NAV2: variants seen among roughly 807,000 people sequenced by gnomAD.
NAV2 encodes the protein helicase, APC down-regulated 1.
In NAV2, 54 loss-of-function variants were observed where a neutral mutation model predicts 223.2. The observed-to-expected ratio is 0.24, with a 90% confidence interval of 0.19 to 0.30. NAV2 has a LOEUF of 0.30. Ranked by LOEUF, NAV2 falls within the 10% of genes least tolerant of loss-of-function variation. The pLI, the probability that NAV2 is intolerant of heterozygous loss-of-function variation, is 1.00. For synonymous variants in NAV2, 1,279 were observed against 1,239.3 expected (o/e 1.03, Z -0.67); for missense variants, 2,806 against 3,147.5 (o/e 0.89, Z 2.60).
At chr11:19,462,562 G>A (rs1852204172) in intron 1 of NAV2, among the ~76,000 whole-genome samples, 1 of 152,190 alleles carries the variant, frequency 6.6e-6, no homozygotes, top group African/African-American at 2.4e-5. Flanking sequence ...TATGTTTCAT[G>A]TATGCTTTTG....
At chr11:19,548,878 A>C in intron 1 of NAV2, among the ~76,000 whole-genome samples, 1 of 16,454 alleles carries the variant, frequency 6.1e-5, no homozygotes, top group Admixed American at 4.6e-3. Flanking sequence ...CTCCGTCTCA[A>C]AAAAAAAAAA....
At chr11:19,622,759 T>C (rs1218589570) in intron 1 of NAV2, among the ~76,000 whole-genome samples, 5 of 152,212 alleles carry the variant, frequency 3.3e-5, no homozygotes, top group Non-Finnish European at 1.5e-5. Flanking sequence ...ATTTAGCCCA[T>C]TTACATTTAA....
chr11:19,593,427 G>C (rs1037735630), intron 1 of NAV2, among the ~76,000 whole-genome samples: 3 of 152,296 alleles, frequency 2.0e-5, no homozygotes, highest in South Asian at 4.2e-4. Flanking sequence ...CTGACTGACA[G>C]ACCATGGTTT....
chr11:19,913,710 C>T (rs1387346553), intron 6 of NAV2, among the ~76,000 whole-genome samples: 1 of 152,180 alleles, frequency 6.6e-6, no homozygotes, highest in South Asian at 2.1e-4. Context: ...TCAGAGTGAC[C>T]TTGAGTAGCA....
intron 1 of NAV2, among the ~76,000 whole-genome samples, chr11:19,819,093 G>C (rs1590716242): frequency 6.6e-6 from 1 of 152,230 alleles, no homozygotes; most frequent in Middle Eastern, 3.4e-3. Context: ...ATCAATGAGT[G>C]CTTGTTTATC....
At chr11:19,941,062 G>C (rs148402159) in intron 8 of NAV2, among the ~76,000 whole-genome samples, 1 of 152,178 alleles carries the variant, frequency 6.6e-6, no homozygotes, top group East Asian at 1.9e-4. Context: ...TGTGTGGCCC[G>C]TGGAGCAGTG....
chr11:20,037,681 T>G (rs1449323563), intron 12 of NAV2, among the ~76,000 whole-genome samples: 1 of 152,230 alleles, frequency 6.6e-6, no homozygotes, highest in East Asian at 1.9e-4. Context: ...ATTCAAGCTA[T>G]GTACTTAAGA....
At chr11:19,666,794 G>T (rs2048422915) in intron 1 of NAV2, among the ~76,000 whole-genome samples, 1 of 152,048 alleles carries the variant, frequency 6.6e-6, no homozygotes, top group African/African-American at 2.4e-5. Context: ...GACTCCACCT[G>T]GCCTCTCATG....
intron 1 of NAV2, among the ~76,000 whole-genome samples, chr11:19,568,008 G>C (rs1252601106): frequency 6.6e-6 from 1 of 152,212 alleles, no homozygotes; most frequent in Non-Finnish European, 1.5e-5. Flanking sequence ...CACTCTCTGA[G>C]GGCAGGTGCT....
chr11:19,941,165 A>T (rs2046369173), intron 8 of NAV2, among the ~76,000 whole-genome samples: 1 of 152,178 alleles, frequency 6.6e-6, no homozygotes. Context: ...CTTAGATTTC[A>T]GAGTGACAGA....
At position 19,934,076 on chromosome 11, in the gene NAV2, G is replaced by A; in HGVS notation, c.1832G>A (p.Ser611Asn). Residue 611 changes from serine to asparagine, a missense_variant, in exon 7 of 38, where the codon AGT (serine) becomes AAT (asparagine). Physicochemically the swap from Ser to Asn is conservative, Grantham distance 46. Transcript: ENST00000349880. ...CCCCAGCTGGACGGCAGACACTCCA[G>A]TTCCTCTTCCAGCCTGGCGTCCTCA... ...QKPQLDGRHS[S>N]SSSSLASSEG... 1 of 1,611,412 alleles carries A rather than the reference G, an allele frequency of 6.2e-7. No individual in the cohort carries two copies.
In NAV2 at chr11:20,090,969, G is replaced by T; in HGVS notation, c.5603G>T (p.Ser1868Ile). Residue 1868 changes from serine (S) to isoleucine (I), a missense_variant, in exon 27 of 38, where the codon AGT (serine) becomes ATT (isoleucine). Physicochemically the swap from Ser to Ile is moderately radical, Grantham distance 142. Transcript: ENST00000349880. ...KLTDIRLEAL[S>I]SAHQLDQLRE... ...ACGGATATCCGCTTAGAAGCTCTCA[G>T]TTCTGCCCACCAGCTGGACCAGCTC... 1 of 1,613,908 alleles carries T rather than the reference G, an allele frequency of 6.2e-7. No individual in the cohort carries two copies. Among genetic ancestry groups the T allele is most frequent in the Non-Finnish European group, 8.5e-7 (1 of 1,179,884 alleles).
chr11:19,660,566 C>G (rs993236401), intron 1 of NAV2, among the ~76,000 whole-genome samples: 2 of 152,058 alleles, frequency 1.3e-5, no homozygotes, highest in African/African-American at 4.8e-5. Flanking sequence ...CATCAGATCC[C>G]AACAAAAGTC....
chr11:20,052,097 G>A (rs998050157), intron 17 of NAV2, among the ~76,000 whole-genome samples: 7 of 152,176 alleles, frequency 4.6e-5, no homozygotes, highest in African/African-American at 1.2e-4. Flanking sequence ...GGTTGCAGCC[G>A]TCATTTCTTC....
chr11:19,506,330 A>G (rs1216015638), intron 1 of NAV2: 1 of 152,258 alleles, frequency 6.6e-6, no homozygotes, highest in Non-Finnish European at 1.5e-5. Context: ...AAGTGGCAGA[A>G]CTGCCTGAGC....
intron 1 of NAV2, among the ~76,000 whole-genome samples, chr11:19,679,430 C>CA (rs56384242): frequency 1.8e-5 from 2 of 114,122 alleles, no homozygotes; most frequent in East Asian, 5.8e-4. Flanking sequence ...GACTCTGTCT[C>CA]AAAAAAACAC....
intron 4 of NAV2, among the ~76,000 whole-genome samples, chr11:19,874,388 G>C (rs1179913846): frequency 6.6e-6 from 1 of 152,228 alleles, no homozygotes; most frequent in African/African-American, 2.4e-5. Flanking sequence ...GCCACAACTG[G>C]CTAGTGTCTC....
chr11:19,367,626 C>T (rs1261761269), intron 1 of NAV2, among the ~76,000 whole-genome samples: 1 of 152,176 alleles, frequency 6.6e-6, no homozygotes, highest in East Asian at 1.9e-4. Flanking sequence ...ATCTCTGCCT[C>T]TCACTGGGAT....
intron 3 of NAV2, among the ~76,000 whole-genome samples, chr11:19,862,204 A>G (rs1399642785): frequency 6.6e-6 from 1 of 152,240 alleles, no homozygotes; most frequent in Non-Finnish European, 1.5e-5. Context: ...AAACTCTTAA[A>G]AAGTTTTTTA....
Sources: allele counts gnomAD v4.1 joint callset (sites outside exome capture counted in the v4.1 genomes callset), GRCh38; gene constraint gnomAD v4.1.1; transcripts MANE v1.5; gene names NCBI Gene and HGNC (gene_info 2026-07-23, HGNC 2026-07-21).